STK3: variants seen among roughly 807,000 people sequenced by gnomAD.
STK3 encodes the protein serine/threonine kinase 3.
In STK3, 41 loss-of-function variants were observed where a neutral mutation model predicts 58.0. The observed-to-expected ratio is 0.71, with a 90% CI of 0.55 to 0.92. The LOEUF is 0.92. STK3 is among the 40% of genes least tolerant of loss of function. The pLI is 0.00. For synonymous variants in STK3, 170 were observed against 191.0 expected (o/e 0.89, Z 0.91); for missense variants, 479 against 602.7 (o/e 0.79, Z 2.15).
At chr8:98,588,065 G>C (rs543200898) in intron 7 of STK3, among the ~76,000 whole-genome samples, 2 of 152,268 alleles carry the variant, frequency 1.3e-5, no homozygotes, top group South Asian at 4.1e-4. Context: ...TTGCCAGTCT[G>C]TGTGTTTTAA....
At chr8:98,651,054 A>G (rs1004245025) in intron 6 of STK3, among the ~76,000 whole-genome samples, 4 of 152,264 alleles carry the variant, frequency 2.6e-5, no homozygotes, top group Non-Finnish European at 5.9e-5. Context: ...TGGGTCCCTG[A>G]CCCCTGGCCC....
At chr8:98,475,024 G>A (rs1821203717) in intron 10 of STK3, among the ~76,000 whole-genome samples, 1 of 152,146 alleles carries the variant, frequency 6.6e-6, no homozygotes, top group Non-Finnish European at 1.5e-5. Context: ...ACTTGTTAGT[G>A]TTTGTCATCA....
intron 6 of STK3, among the ~76,000 whole-genome samples, chr8:98,661,203 A>G (rs1348124344): frequency 6.6e-6 from 1 of 152,168 alleles, no homozygotes; most frequent in Non-Finnish European, 1.5e-5. Flanking sequence ...AGTACGTTTT[A>G]TATTTCACTT....
At chr8:98,742,608 A>G (rs2131320568) in intron 4 of STK3, among the ~76,000 whole-genome samples, 1 of 136,112 alleles carries the variant, frequency 7.3e-6, no homozygotes, top group East Asian at 2.3e-4. Flanking sequence ...ATCTATGACA[A>G]ACCCACAGCC....
intron 3 of STK3, among the ~76,000 whole-genome samples, chr8:98,416,373 T>A (rs1325781609): frequency 6.7e-6 from 1 of 149,992 alleles, no homozygotes; most frequent in East Asian, 2.0e-4. Context: ...TGTTTTTTTT[T>A]TTTTTTTTTT....
At chr8:98,503,540 G>C (rs1214962755) in intron 10 of STK3, among the ~76,000 whole-genome samples, 1 of 152,188 alleles carries the variant, frequency 6.6e-6, no homozygotes, top group Non-Finnish European at 1.5e-5. Context: ...TGGGCATTTA[G>C]TGCTATAAAT....
the STK3 span, among the ~76,000 whole-genome samples, chr8:98,358,135 C>T: frequency 6.6e-6 from 1 of 152,158 alleles, no homozygotes; most frequent in South Asian, 2.1e-4. Context: ...GAATTTGCTA[C>T]GGATTTCCTT....
At chr8:98,374,986 TC>T (rs1286288482) in intron 2 of STK3, among the ~76,000 whole-genome samples, 1 of 152,060 alleles carries the variant, frequency 6.6e-6, no homozygotes, top group African/African-American at 2.4e-5. Flanking sequence ...ACACCTGTAA[TC>T]CCAGCACTTT....
At chr8:98,465,879 T>C (rs966173653) in intron 10 of STK3, among the ~76,000 whole-genome samples, 9 of 152,206 alleles carry the variant, frequency 5.9e-5, no homozygotes, top group African/African-American at 2.2e-4. Flanking sequence ...ACCCATTTCT[T>C]ATGTGCATTT....
the STK3 span, among the ~76,000 whole-genome samples, chr8:98,348,272 A>G: frequency 6.6e-6 from 1 of 152,230 alleles, no homozygotes; most frequent in East Asian, 1.9e-4. Flanking sequence ...ATGGATCATA[A>G]GCTTAAATGT....
chr8:98,359,238 T>G, the STK3 span, among the ~76,000 whole-genome samples: 1 of 148,156 alleles, frequency 6.7e-6, no homozygotes, highest in African/African-American at 2.5e-5. Context: ...CCGGGCGCGG[T>G]GGCTCACGCC....
At chr8:98,499,506 C>T (rs1305483473) in intron 10 of STK3, among the ~76,000 whole-genome samples, 1 of 152,166 alleles carries the variant, frequency 6.6e-6, no homozygotes, top group Non-Finnish European at 1.5e-5. Flanking sequence ...AGAAAATACT[C>T]AGATTGCCTA....
chr8:98,637,122 T>G (rs914878817), intron 6 of STK3, among the ~76,000 whole-genome samples: 11 of 151,862 alleles, frequency 7.2e-5, no homozygotes, highest in African/African-American at 2.4e-4. Context: ...AAAACCAATG[T>G]TTTTTTACAG....
intron 1 of STK3, among the ~76,000 whole-genome samples, chr8:98,912,148 G>A (rs905350825): frequency 5.3e-5 from 8 of 152,118 alleles, no homozygotes; most frequent in African/African-American, 1.7e-4. Context: ...GGAGGCAGAG[G>A]CAGGTGGATC....
At chr8:98,772,535 C>T (rs1362078865) in intron 2 of STK3, among the ~76,000 whole-genome samples, 1 of 151,938 alleles carries the variant, frequency 6.6e-6, no homozygotes, top group African/African-American at 2.4e-5. Context: ...CTCATCTCTA[C>T]TAAAAATATG....
chr8:98,737,970 G>C (rs62532577), intron 4 of STK3, among the ~76,000 whole-genome samples: 2 of 152,134 alleles, frequency 1.3e-5, no homozygotes. Flanking sequence ...TTGGCCTCCA[G>C]AAGTGCCAGG....
chr8:98,747,997 T>A (rs1210817409), intron 4 of STK3, among the ~76,000 whole-genome samples: 1 of 152,200 alleles, frequency 6.6e-6, no homozygotes, highest in Admixed American at 6.5e-5. Flanking sequence ...AGAACTATAG[T>A]ATGTCTTCAC....
In STK3 at chr8:98,825,569, G is replaced by A. The variant is rs549607497; in HGVS notation, c.-29C>T. On this transcript the variant is annotated 5_prime_UTR_variant, in exon 1 of 11. Coordinates refer to ENST00000419617, the MANE Select transcript of STK3 (RefSeq NM_006281.4). Reference sequence around the variant, plus strand: ...GGCCGGGGACAGAGAGAGGGACCTGGTGGACGGCGAAGGCCGAAAGGAGGA... The same window carrying A: ...GGCCGGGGACAGAGAGAGGGACCTGATGGACGGCGAAGGCCGAAAGGAGGA... The A allele has an allele frequency of 7.1e-4, 1,033 of 1,449,390 alleles. 3 individuals are homozygous for A. The highest frequency in any genetic ancestry group is 2.0e-3 in the South Asian group (153 of 76,106). The allele number at this position is 1,449,390 out of a possible 1,614,324, so 89.8% of individuals were successfully genotyped here.
At chr8:98,722,239 A>G (rs1456634123) in intron 4 of STK3, among the ~76,000 whole-genome samples, 1 of 152,202 alleles carries the variant, frequency 6.6e-6, no homozygotes, top group Non-Finnish European at 1.5e-5. Context: ...TTCCACTACA[A>G]TAAGAAAAAT....
Sources: gnomAD v4.1 joint callset for allele counts (sites outside exome capture counted in the v4.1 genomes callset) on GRCh38, gnomAD v4.1.1 for gene constraint, MANE v1.5 for transcripts, NCBI Gene and HGNC (gene_info 2026-07-23, HGNC 2026-07-21) for gene names.